The following AP3B1 variants were observed in gnomAD, a reference collection of about 807,000 sequenced individuals.
AP3B1 encodes adaptor related protein complex 3 subunit beta 1.
In AP3B1, 61 loss-of-function variants were observed where a neutral mutation model predicts 132.5. The ratio of observed to expected loss-of-function variants is 0.46; its 90% CI spans 0.37 to 0.57. The LOEUF (loss-of-function observed/expected upper bound fraction) is 0.57, where lower values mean the gene tolerates loss of function less well. AP3B1 is among the 20% of genes least tolerant of loss of function. AP3B1 has a pLI of 0.00. For synonymous variants in AP3B1, 388 were observed against 438.3 expected, an observed-to-expected ratio of 0.89 and a Z score of 1.43; for missense variants, 1,120 against 1,289.4, an observed-to-expected ratio of 0.87 and a Z score of 2.01.
At chr5:78,239,233 G>T (rs892268168) in intron 3 of AP3B1, among the ~76,000 whole-genome samples, 1 of 152,036 alleles carries the variant, frequency 6.6e-6, no homozygotes, top group Admixed American at 6.5e-5. Context: ...CACTTTGGGA[G>T]GCCAAGGTTG....
intron 25 of AP3B1, among the ~76,000 whole-genome samples, chr5:78,018,671 A>AACACACACACACAC (rs3050070): frequency 2.7e-5 from 4 of 146,680 alleles, no homozygotes; most frequent in African/African-American, 5.1e-5. Flanking sequence ...AAGCTGGTGT[A>AACACACACACACAC]ACACACACAC....
chr5:78,096,022 TTCCCTC>T (rs1352772520), intron 21 of AP3B1, among the ~76,000 whole-genome samples: 1 of 152,152 alleles, frequency 6.6e-6, no homozygotes, highest in African/African-American at 2.4e-5. Flanking sequence ...CCCTCTCCCT[TTCCCTC>T]TCCCTCTCCC....
intron 22 of AP3B1, among the ~76,000 whole-genome samples, chr5:78,053,543 G>A (rs888193562): frequency 2.6e-5 from 4 of 151,914 alleles, no homozygotes; most frequent in African/African-American, 9.7e-5. Context: ...AGCTGGGCAT[G>A]GTGGCGCATG....
rs1380730275 is a variant in AP3B1 at position 78,163,652 on chromosome 5, T to TATAC, written c.1231-702_1231-701insGTAT. On this transcript the variant is annotated intron_variant, in intron 12 of 26. Coordinates refer to ENST00000255194, the MANE Select transcript of AP3B1 (RefSeq NM_003664.5). ...TATATATAGTATACATATATATATA[T>TATAC]ACACACACACACATATATATATACA... is the stretch of plus-strand genomic sequence containing the variant. 1.2e-3 allele frequency among the ~76,000 whole-genome samples: 178 copies of TATAC among 144,826 alleles called. 1 individual carries two copies. The highest frequency in any genetic ancestry group is 4.3e-3 in the African/African-American group (170 of 39,744).
At chr5:78,031,860 T>C (rs1399002333) in intron 24 of AP3B1, among the ~76,000 whole-genome samples, 1 of 152,204 alleles carries the variant, frequency 6.6e-6, no homozygotes, top group African/African-American at 2.4e-5. Flanking sequence ...AAGAATGTAT[T>C]TTCTTTTTAA....
intron 22 of AP3B1, among the ~76,000 whole-genome samples, chr5:78,085,982 T>C (rs1383378943): frequency 6.6e-6 from 1 of 152,198 alleles, no homozygotes; most frequent in African/African-American, 2.4e-5. Flanking sequence ...CAATTTTGCA[T>C]ATTACGGAGT....
At chr5:78,020,191 T>C (rs540311666) in intron 25 of AP3B1, among the ~76,000 whole-genome samples, 257 of 152,252 alleles carry the variant, frequency 1.7e-3, no homozygotes, top group African/African-American at 6.1e-3. Context: ...ATTTCTTTAA[T>C]ATAGAATTAG....
intron 22 of AP3B1, among the ~76,000 whole-genome samples, chr5:78,083,416 G>C (rs935004521): frequency 6.6e-6 from 1 of 152,126 alleles, no homozygotes; most frequent in Non-Finnish European, 1.5e-5. Flanking sequence ...AGGTGAACAA[G>C]TTATTCTTAT....
intron 22 of AP3B1, among the ~76,000 whole-genome samples, chr5:78,065,286 C>T (rs1232982939): frequency 1.3e-5 from 2 of 152,172 alleles, no homozygotes; most frequent in Non-Finnish European, 2.9e-5. Context: ...GCTGGAGACT[C>T]CCTGAGACTC....
chr5:78,088,609 C>T (rs1178390572), intron 22 of AP3B1, among the ~76,000 whole-genome samples: 5 of 152,158 alleles, frequency 3.3e-5, no homozygotes, highest in Admixed American at 2.0e-4. Flanking sequence ...CCATGTAGTA[C>T]CCTGCCAGCC....
At chr5:78,113,697 T>TG (rs1454707947) in intron 19 of AP3B1, 55 bp downstream of exon 19, 1 of 1,596,920 alleles carries the variant, frequency 6.3e-7, no homozygotes, top group Admixed American at 1.7e-5. Flanking sequence ...CATCTCTGCC[T>TG]GGGGCAAACT....
intron 1 of AP3B1, among the ~76,000 whole-genome samples, chr5:78,275,443 C>T (rs1748730939): frequency 6.6e-6 from 1 of 152,176 alleles, no homozygotes; most frequent in East Asian, 1.9e-4. Context: ...TGCTGACAGA[C>T]TCATGGAAGA....
At chr5:78,218,936 ATCT>A (rs1343878296) in intron 6 of AP3B1, among the ~76,000 whole-genome samples, 2 of 152,106 alleles carry the variant, frequency 1.3e-5, no homozygotes, top group Non-Finnish European at 2.9e-5. Flanking sequence ...TCAGTCATTT[ATCT>A]TCTAATAGCT....
chr5:78,292,854 G>A (rs1379195872), intron 1 of AP3B1, among the ~76,000 whole-genome samples: 3 of 151,390 alleles, frequency 2.0e-5, no homozygotes, highest in Admixed American at 2.0e-4. Context: ...TTCCAAATCA[G>A]GTCCAAATTT....
intron 5 of AP3B1, among the ~76,000 whole-genome samples, chr5:78,226,769 T>C (rs1186108848): frequency 2.0e-5 from 3 of 152,136 alleles, no homozygotes; most frequent in Admixed American, 6.6e-5. Context: ...CAAATTGTTG[T>C]AGACAATTCT....
chr5:78,063,219 C>T (rs1054811369), intron 22 of AP3B1, among the ~76,000 whole-genome samples: 1 of 152,164 alleles, frequency 6.6e-6, no homozygotes, highest in East Asian at 1.9e-4. Flanking sequence ...AGCTTAACAA[C>T]AAAATAAAGA....
chr5:78,167,605 A>T (rs192330683), intron 11 of AP3B1, among the ~76,000 whole-genome samples: 2 of 151,824 alleles, frequency 1.3e-5, no homozygotes, highest in East Asian at 3.9e-4. Context: ...ATCAATCAAC[A>T]TGTGGATAAA....
chr5:78,002,450 T>C lies in AP3B1; in HGVS notation c.*452A>G. On this transcript the variant is annotated 3_prime_UTR_variant, in exon 27 of 27. Coordinates refer to ENST00000255194, the MANE Select transcript of AP3B1 (RefSeq NM_003664.5). The stretch of plus-strand genomic sequence containing the variant: ...AAATCTTGCAGAGACTATGCTTTTG[T>C]ATTTGGATTTAAAAAGTATGTGATC... 2 of 414,596 alleles carry C rather than the reference T, an allele frequency of 4.8e-6. No homozygotes were observed. The highest frequency in any genetic ancestry group is 8.5e-6 in the Non-Finnish European group (2 of 235,898). 25.7% of individuals were successfully genotyped at this position (414,596 alleles called of 1,614,324 possible).
chr5:78,292,826 G>GTTT (rs35617749), intron 1 of AP3B1, among the ~76,000 whole-genome samples: 1 of 151,074 alleles, frequency 6.6e-6, no homozygotes, highest in African/African-American at 2.4e-5. Flanking sequence ...AAAGCCGTAA[G>GTTT]TTTTTTTTGT....
Sources: gnomAD v4.1 joint callset for allele counts (sites outside exome capture counted in the v4.1 genomes callset) on GRCh38, gnomAD v4.1.1 for gene constraint, MANE v1.5 for transcripts, NCBI Gene and HGNC (gene_info 2026-07-23, HGNC 2026-07-21) for gene names.